WDR3: variants seen among roughly 807,000 people sequenced by gnomAD.
The protein encoded by WDR3 is WD repeat-containing protein 3.
Under a neutral mutation model 123.7 loss-of-function variants are expected in WDR3, and 81 were observed. The ratio of observed to expected loss-of-function variants is 0.65; its 90% CI spans 0.55 to 0.79. The LOEUF is 0.79. Ranked by LOEUF, WDR3 falls within the 30% of genes least tolerant of loss-of-function variation. WDR3 has a pLI of 0.00. For synonymous variants in WDR3, 390 were observed against 388.8 expected, an observed-to-expected ratio of 1.00 and a Z score of -0.04; for missense variants, 1,027 against 1,123.2, an observed-to-expected ratio of 0.91 and a Z score of 1.22.
intron 9 of WDR3, among the ~76,000 whole-genome samples, chr1:117,942,087 G>A: frequency 6.6e-6 from 1 of 152,120 alleles, no homozygotes; most frequent in East Asian, 1.9e-4. Context: ...GTTAAGTGCA[G>A]GTTAATGAGT....
Position 117,955,332 on chromosome 1 carries a change from A to G in WDR3, c.2427A>G (p.Leu809=). 2 of 1,612,510 alleles carry G rather than the reference A, an allele frequency of 1.2e-6. No individual in the cohort carries two copies. Among genetic ancestry groups the G allele is most frequent in the Non-Finnish European group, 1.7e-6 (2 of 1,178,958 alleles). Reference sequence around the variant, plus strand: ...CTTTATAGCCTTCAGCTTATGTATTAGAGATTTTTAAAGGGATCAAGTCGA... The same window carrying G: ...CTTTATAGCCTTCAGCTTATGTATTGGAGATTTTTAAAGGGATCAAGTCGA... ...YGSISPSAYV[L]EIFKGIKSSE... The change falls in exon 24 of 27, where the codon TTA becomes TTG. Residue 809 remains leucine, a synonymous_variant. Coordinates refer to ENST00000349139, the MANE Select transcript of WDR3 (RefSeq NM_006784.3).
chr1:117,955,452 T>A, intron 24 of WDR3, 94 bp downstream of exon 24: 1 of 1,207,346 alleles, frequency 8.3e-7, no homozygotes, highest in Non-Finnish European at 1.2e-6. Context: ...TTATAATTGA[T>A]GGTTATCTTA....
intron 16 of WDR3, 118 bp from the exon 17 acceptor site, chr1:117,951,858 C>G: frequency 1.1e-6 from 1 of 898,902 alleles, no homozygotes; most frequent in African/African-American, 1.7e-5. Context: ...AGATGAAAAT[C>G]AGTTTTTTGG....
rs1651176300 is a variant in WDR3 at position 117,941,637 on chromosome 1, G to T, written c.892-113G>T. 39 of 1,296,434 alleles carry T rather than the reference G, an allele frequency of 3.0e-5. 2 individuals carry two copies. In the South Asian group the frequency reaches 5.0e-4, roughly 17 times the overall value. 80.3% of individuals were successfully genotyped at this position (1,296,434 alleles called of 1,614,324 possible). Reference sequence around the variant, plus strand: ...ACCCAGAGAGATTAAGTTGTCCAAGGTAATACAACTACTAAGGGAAGAAAA... The same window carrying T: ...ACCCAGAGAGATTAAGTTGTCCAAGTTAATACAACTACTAAGGGAAGAAAA... On this transcript the variant is annotated intron_variant, in intron 8 of 26. Coordinates refer to ENST00000349139, the MANE Select transcript of WDR3 (RefSeq NM_006784.3).
intron 13 of WDR3, 80 bp from the exon 14 acceptor site, chr1:117,949,669 TTC>T (rs1294801665): frequency 2.1e-6 from 3 of 1,462,204 alleles, no homozygotes; most frequent in East Asian, 4.8e-5. Context: ...TAAAAATACT[TTC>T]TTAGACTTTT....
chr1:117,951,943 A>G, intron 16 of WDR3, 33 bp from the exon 17 acceptor site: 1 of 1,581,496 alleles, frequency 6.3e-7, no homozygotes, highest in Non-Finnish European at 8.6e-7. Context: ...GAATTCAAAA[A>G]TCAAGGTAGT....
intron 9 of WDR3, 51 bp downstream of exon 9, chr1:117,941,898 C>A: frequency 6.6e-7 from 1 of 1,510,764 alleles, no homozygotes; most frequent in Admixed American, 2.8e-5. Context: ...GGGTAGGCCC[C>A]ATGTTACTGA....
In WDR3 at chr1:117,959,451, TGA is replaced by T. The variant is rs747590011; in HGVS notation, c.*5_*6del. 7 of 1,585,154 alleles carry T rather than the reference TGA, an allele frequency of 4.4e-6. No individual in the cohort carries two copies. In the South Asian group the frequency reaches 4.7e-5, roughly 11 times the overall value. ...GTTGATTCTAACGTTGACTTAGAAC[TGA>T]AATGTGGTATCTTTTTTTTTTTCAA... On this transcript the variant is annotated 3_prime_UTR_variant, in exon 27 of 27. Coordinates refer to ENST00000349139, the MANE Select transcript of WDR3 (RefSeq NM_006784.3).
At chr1:117,943,832 A>T (rs1331214948) in intron 11 of WDR3, among the ~76,000 whole-genome samples, 1 of 151,352 alleles carries the variant, frequency 6.6e-6, no homozygotes, top group Non-Finnish European at 1.5e-5. Context: ...AGCTTATTCC[A>T]TGTTTAGAGC....
Position 117,950,853 on chromosome 1 carries a change from G to C in WDR3, c.1766G>C (p.Gly589Ala). 6.2e-7 allele frequency: 1 copy of C among 1,608,610 alleles called. No homozygotes were observed. Among genetic ancestry groups the C allele is most frequent in the Non-Finnish European group, 8.5e-7 (1 of 1,178,432 alleles). The change falls in exon 16 of 27, where the codon GGA becomes GCA. Residue 589 changes from glycine (G) to alanine (A), a missense_variant. Transcript: ENST00000349139. The stretch of plus-strand genomic sequence containing the variant: ...GTTTAGTTTTTTCTGTCACTGTATG[G>C]ACACAAACTGCCTGTTATATGCATG... ...DTLKFFLSLYGHKLPVICMDI... is the reference protein window; with the variant it reads ...DTLKFFLSLYAHKLPVICMDI...
rs911896587 is a variant in WDR3 at position 117,946,117 on chromosome 1, T to C, written c.1360T>C (p.Cys454Arg). 2 of 1,613,016 alleles carry C rather than the reference T, an allele frequency of 1.2e-6. No individual in the cohort carries two copies. The highest frequency in any genetic ancestry group is 1.7e-6 in the Non-Finnish European group (2 of 1,179,410). Residue 454 changes from cysteine to arginine, a missense_variant, in exon 12 of 27, where the codon TGT (cysteine) becomes CGT (arginine). Transcript: ENST00000349139. ...STLQCIRTMT[C>R]EYALCSFFVP... ...ACTGCAGTGTATTCGCACAATGACC[T>C]GTGAATATGCACTTTGCTCATTCTT...
chr1:117,949,140 G>T (rs1651511762), intron 13 of WDR3, among the ~76,000 whole-genome samples: 1 of 152,144 alleles, frequency 6.6e-6, no homozygotes, highest in Non-Finnish European at 1.5e-5. Context: ...CGAAACAGCT[G>T]TGAGTCTAAA....
In WDR3 at chr1:117,952,931, T is replaced by C. The variant is rs1204273729; in HGVS notation, c.2152-15T>C. Reference sequence around the variant, plus strand: ...TTTTTTTCTCTCAAATTAATGTATATCTATCTCATGGCAGGAAAGAGAAGC... The same window carrying C: ...TTTTTTTCTCTCAAATTAATGTATACCTATCTCATGGCAGGAAAGAGAAGC... On this transcript the variant is annotated splice_polypyrimidine_tract_variant and intron_variant, in intron 19 of 26. Transcript: ENST00000349139. 6.2e-7 allele frequency: 1 copy of C among 1,612,650 alleles called. No homozygotes were observed. Among genetic ancestry groups the C allele is most frequent in the African/African-American group, 1.3e-5 (1 of 74,848 alleles).
At chr1:117,932,112 G>A (rs1441191468) in intron 1 of WDR3, among the ~76,000 whole-genome samples, 1 of 152,116 alleles carries the variant, frequency 6.6e-6, no homozygotes, top group African/African-American at 2.4e-5. Flanking sequence ...AGAACAGATG[G>A]GACTGATTTG....
rs974472330 is a variant in WDR3, at chr1:117,954,604, C to G, written c.2386C>G (p.Leu796Val). 7 of 1,612,412 alleles carry G rather than the reference C, an allele frequency of 4.3e-6. No individual in the cohort carries two copies. The African/African-American group carries it at 9.4e-5, about 22-fold the overall frequency. The change falls in exon 23 of 27, where the codon CTA becomes GTA. Residue 796 changes from leucine (L) to valine (V), a missense_variant. Coordinates refer to ENST00000349139, the MANE Select transcript of WDR3 (RefSeq NM_006784.3). Reference protein sequence around the residue: ...KEVPLPSNPILMAYGSISPSA... With the variant: ...KEVPLPSNPIVMAYGSISPSA... ...GGTTCCACTTCCCAGCAACCCCATC[C>G]TAATGGCTTATGGCAGTATCTCAGT...
chr1:117,931,793 C>T (rs548476785), intron 1 of WDR3, among the ~76,000 whole-genome samples: 30 of 152,264 alleles, frequency 2.0e-4, no homozygotes, highest in Middle Eastern at 3.4e-3. Context: ...GCATTATCAC[C>T]ATGTTAATAT....
At chr1:117,957,842 C>T (rs1392941614) in intron 25 of WDR3, among the ~76,000 whole-genome samples, 2 of 152,118 alleles carry the variant, frequency 1.3e-5, no homozygotes, top group Non-Finnish European at 2.9e-5. Flanking sequence ...TTGCTTTGTC[C>T]TTTACCAACA....
rs996617818 is a variant in WDR3 at position 117,962,360 on chromosome 1, TAGTC to T, written c.*2916_*2919del. On this transcript the variant is annotated 3_prime_UTR_variant, in exon 27 of 27. Coordinates refer to ENST00000349139, the MANE Select transcript of WDR3 (RefSeq NM_006784.3). The stretch of plus-strand genomic sequence containing the variant: ...GTCATTAAGTCAGTATTCATTGCCT[TAGTC>T]AGCCATTGGCTGTATATAATCCTTA... 72 of 152,336 alleles carry T rather than the reference TAGTC, an allele frequency of 4.7e-4. No homozygotes were observed. The highest frequency in any genetic ancestry group is 1.7e-3 in the African/African-American group (69 of 41,590). 9.4% of individuals were successfully genotyped at this position (152,336 alleles called of 1,614,324 possible). A position where few individuals can be genotyped will look rare whatever the true frequency, so the allele number is the denominator to read the frequency against.
In WDR3 at chr1:117,934,757, A is replaced by G. The variant is rs1650856707; in HGVS notation, c.381+75A>G. ...CTTATGCTGAAGCAAGTTGTTGACAAAAATTGTCAGGTAAAACAATGGGCT... is the reference window on the plus strand; with the variant it reads ...CTTATGCTGAAGCAAGTTGTTGACAGAAATTGTCAGGTAAAACAATGGGCT... On this transcript the variant is annotated intron_variant, in intron 3 of 26. Coordinates refer to ENST00000349139, the MANE Select transcript of WDR3 (RefSeq NM_006784.3). 33 of 1,518,344 alleles carry G rather than the reference A, an allele frequency of 2.2e-5. 1 individual carries two copies. The South Asian group carries it at 3.9e-4, about 18-fold the overall frequency. The allele number at this position is 1,518,344 out of a possible 1,614,324, so 94.1% of individuals were successfully genotyped here.
Sources: gnomAD v4.1 joint callset for allele counts (sites outside exome capture counted in the v4.1 genomes callset) on GRCh38, gnomAD v4.1.1 for gene constraint, MANE v1.5 for transcripts, NCBI Gene and HGNC (gene_info 2026-07-23, HGNC 2026-07-21) for gene names.